CSMD3: variants seen among roughly 807,000 people sequenced by gnomAD.
CSMD3 encodes the protein CUB and Sushi multiple domains 3.
CSMD3 carries 177 observed loss-of-function variants against 435.2 expected under a neutral mutation model. The observed-to-expected ratio is 0.41, with a 90% CI of 0.36 to 0.46. The LOEUF (loss-of-function observed/expected upper bound fraction) is 0.46, where lower values mean the gene tolerates loss of function less well. Ranked by LOEUF, CSMD3 falls within the 20% of genes least tolerant of loss-of-function variation. CSMD3 has a pLI of 0.34. For synonymous variants in CSMD3, 1,656 were observed against 1,520.5 expected (o/e 1.09, Z -2.07); for missense variants, 4,265 against 4,504.6 (o/e 0.95, Z 1.52).
chr8:112,638,460 C>T (rs559137378), intron 21 of CSMD3, among the ~76,000 whole-genome samples: 88 of 150,930 alleles, frequency 5.8e-4, no homozygotes, highest in South Asian at 1.7e-3. Flanking sequence ...ATTGTACTTC[C>T]GGTAGATTTA....
chr8:112,681,079 G>T (rs1465875147), intron 16 of CSMD3, among the ~76,000 whole-genome samples: 2 of 149,882 alleles, frequency 1.3e-5, no homozygotes, highest in Non-Finnish European at 3.0e-5. Context: ...TCTATCACCA[G>T]GCTGGAGTGC....
intron 3 of CSMD3, among the ~76,000 whole-genome samples, chr8:113,177,815 C>G (rs1369539656): frequency 6.6e-6 from 1 of 151,892 alleles, no homozygotes; most frequent in Non-Finnish European, 1.5e-5. Flanking sequence ...TCTCTTCTCA[C>G]AGTATTGAGA....
At chr8:112,306,771 A>G (rs1821459258) in intron 50 of CSMD3, among the ~76,000 whole-genome samples, 1 of 152,180 alleles carries the variant, frequency 6.6e-6, no homozygotes, top group African/African-American at 2.4e-5. Context: ...CAAGGCCAGG[A>G]CTTACTGTCT....
At chr8:112,378,422 T>C (rs1225674098) in intron 38 of CSMD3, among the ~76,000 whole-genome samples, 2 of 152,150 alleles carry the variant, frequency 1.3e-5, no homozygotes, top group East Asian at 3.8e-4. Context: ...TCAACCTGTG[T>C]CCATCAATGG....
chr8:113,413,143 T>A (rs1427261868), intron 1 of CSMD3, among the ~76,000 whole-genome samples: 1 of 152,188 alleles, frequency 6.6e-6, no homozygotes, highest in Non-Finnish European at 1.5e-5. Context: ...GATACTACAA[T>A]AACTTTCCAT....
intron 2 of CSMD3, among the ~76,000 whole-genome samples, chr8:113,302,083 T>C (rs1024025202): frequency 6.6e-6 from 1 of 151,182 alleles, no homozygotes; most frequent in African/African-American, 2.4e-5. Flanking sequence ...AATGCTATAG[T>C]TGAAAAATGC....
In CSMD3 at chr8:113,166,959, T is replaced by C. The variant is rs527656589; in HGVS notation, c.709+6763A>G. 7.9e-5 allele frequency among the ~76,000 whole-genome samples: 12 copies of C among 152,228 alleles called. No homozygotes were observed. The South Asian group carries it at 1.2e-3, about 16-fold the overall frequency. ...CATACATTAACTAATATAATCCTTA[T>C]CTTAATACTATAAGTAAGACTTGCC... On this transcript the variant is annotated intron_variant, in intron 4 of 70. Transcript: ENST00000297405.
chr8:113,091,548 T>G (rs2090001243), intron 5 of CSMD3, among the ~76,000 whole-genome samples: 1 of 152,078 alleles, frequency 6.6e-6, no homozygotes. Flanking sequence ...TTTTCCAATT[T>G]ATTGGCATAT....
At chr8:112,845,173 T>C (rs2080284939) in intron 11 of CSMD3, among the ~76,000 whole-genome samples, 1 of 152,114 alleles carries the variant, frequency 6.6e-6, no homozygotes, top group African/African-American at 2.4e-5. Flanking sequence ...TGCTCAGTTA[T>C]TTCAATAAAT....
At chr8:113,125,955 T>C (rs933993637) in intron 4 of CSMD3, among the ~76,000 whole-genome samples, 1 of 151,948 alleles carries the variant, frequency 6.6e-6, no homozygotes, top group African/African-American at 2.4e-5. Context: ...AAAAGACATG[T>C]AATAGGATAG....
chr8:112,481,879 G>A (rs534110105), intron 31 of CSMD3, among the ~76,000 whole-genome samples: 3 of 152,074 alleles, frequency 2.0e-5, no homozygotes, highest in Admixed American at 1.3e-4. Flanking sequence ...TTCCCTTCAT[G>A]TCTTTTTATG....
At chr8:113,025,395 G>C (rs1386918175) in intron 5 of CSMD3, among the ~76,000 whole-genome samples, 1 of 152,166 alleles carries the variant, frequency 6.6e-6, no homozygotes, top group Non-Finnish European at 1.5e-5. Flanking sequence ...CAATGTCTGA[G>C]TGTGTCAGTG....
chr8:113,182,873 T>A (rs192264818), intron 3 of CSMD3, among the ~76,000 whole-genome samples: 2 of 88,766 alleles, frequency 2.3e-5, no homozygotes, highest in East Asian at 4.5e-4. Flanking sequence ...TTGTTGTTGC[T>A]GTTGTTGTTG....
chr8:112,305,948 T>G (rs1320596293), intron 51 of CSMD3, 59 bp downstream of exon 51: 1 of 1,359,594 alleles, frequency 7.4e-7, no homozygotes, highest in East Asian at 2.3e-5. Context: ...TACATAAAAT[T>G]TCAGGTATAT....
At chr8:112,883,693 T>G (rs2081511093) in intron 10 of CSMD3, among the ~76,000 whole-genome samples, 1 of 151,936 alleles carries the variant, frequency 6.6e-6, no homozygotes, top group Non-Finnish European at 1.5e-5. Flanking sequence ...AAATTACCCT[T>G]AGTATACTGC....
chr8:113,092,498 C>T (rs1367735924), intron 5 of CSMD3, among the ~76,000 whole-genome samples: 1 of 151,998 alleles, frequency 6.6e-6, no homozygotes, highest in Non-Finnish European at 1.5e-5. Context: ...ATTGCTTTCC[C>T]CTGAGTCCCT....
intron 4 of CSMD3, among the ~76,000 whole-genome samples, chr8:113,168,393 C>T (rs553395664): frequency 1.1e-4 from 17 of 151,608 alleles, no homozygotes; most frequent in Non-Finnish European, 1.5e-4. Flanking sequence ...TGGTGGCACA[C>T]GCCTGTTGTC....
chr8:112,564,174 C>CT (rs1828878736), intron 24 of CSMD3, among the ~76,000 whole-genome samples: 1 of 143,430 alleles, frequency 7.0e-6, no homozygotes, highest in African/African-American at 2.6e-5. Flanking sequence ...TGTAGGATTT[C>CT]TTTTTTCTAG....
At chr8:112,310,231 T>G (rs901830279) in intron 50 of CSMD3, 7 of 152,326 alleles carry the variant, frequency 4.6e-5, no homozygotes, top group Admixed American at 4.6e-4. Context: ...TTTTGTTTTG[T>G]TTTTTGAGAT....
Sources: gnomAD v4.1 joint callset for allele counts (sites outside exome capture counted in the v4.1 genomes callset) on GRCh38, gnomAD v4.1.1 for gene constraint, MANE v1.5 for transcripts, NCBI Gene and HGNC (gene_info 2026-07-23, HGNC 2026-07-21) for gene names.